TENM2: variants seen among roughly 807,000 people sequenced by gnomAD.
TENM2 encodes the protein teneurin transmembrane protein 2.
TENM2 carries 52 observed loss-of-function variants against 245.2 expected under a neutral mutation model. That is an observed-to-expected ratio of 0.21 (90% CI 0.17 to 0.27). The LOEUF is 0.27. TENM2 is among the 10% of genes least tolerant of loss of function. The probability of loss-of-function intolerance (pLI) is 1.00; values close to 1 mark genes in which losing one functional copy is unlikely to be tolerated. For missense variants in TENM2, 3,046 were observed against 3,666.8 expected, an observed-to-expected ratio of 0.83 and a Z score of 4.37; for synonymous variants, 1,363 against 1,438.9, an observed-to-expected ratio of 0.95 and a Z score of 1.19.
intron 2 of TENM2, among the ~76,000 whole-genome samples, chr5:167,466,761 T>G (rs1477900439): frequency 6.6e-6 from 1 of 152,194 alleles, no homozygotes; most frequent in Non-Finnish European, 1.5e-5. Flanking sequence ...TTCAAGTAAT[T>G]TGTATAAGTA....
Position 167,327,915 on chromosome 5 carries a change from T to C in TENM2, c.226+42852T>C, listed in dbSNP as rs182215452. The stretch of plus-strand genomic sequence containing the variant: ...GAATTGACTCTGCGGGGATAAGAGA[T>C]GATGTTTGTGATGATATTGTATGAA... On this transcript the variant is annotated intron_variant, in intron 1 of 28. Coordinates refer to ENST00000518659, the Ensembl canonical transcript of TENM2. Among the ~76,000 whole-genome samples, 34 of 152,260 alleles carry C rather than the reference T, an allele frequency of 2.2e-4. 2 individuals are homozygous for C. The highest frequency in any genetic ancestry group is 7.5e-4 in the African/African-American group (31 of 41,546).
rs190251096 is a variant in TENM2, at chr5:167,746,839, C to T, written c.503-129147C>T. Among the ~76,000 whole-genome samples, 8 of 151,850 alleles carry T rather than the reference C, an allele frequency of 5.3e-5. No individual in the cohort carries two copies. In the East Asian group the frequency reaches 1.6e-3, roughly 30 times the overall value. On this transcript the variant is annotated intron_variant, in intron 2 of 28. Coordinates refer to ENST00000518659, the Ensembl canonical transcript of TENM2. ...GTGTGTGTGCGTCTATGTGTGTGTG[C>T]GTGTGTGTGCATACACACATAAAAT...
chr5:167,354,082 CA>C (rs1759155490), intron 1 of TENM2, among the ~76,000 whole-genome samples: 2 of 152,188 alleles, frequency 1.3e-5, no homozygotes, highest in Admixed American at 1.3e-4. Flanking sequence ...ATACATTAAG[CA>C]AACTACCTGT....
intron 2 of TENM2, among the ~76,000 whole-genome samples, chr5:167,750,570 C>T (rs1010076286): frequency 6.6e-5 from 10 of 152,026 alleles, no homozygotes; most frequent in African/African-American, 1.2e-4. Flanking sequence ...TAATCAAGGA[C>T]GGCCAAGGGG....
intron 3 of TENM2, among the ~76,000 whole-genome samples, chr5:167,911,420 G>C (rs35874051): frequency 0.22 from 33,600 of 152,142 alleles, 4,177 homozygotes; most frequent in East Asian, 0.44. Context: ...CCAGCTACTC[G>C]GGAGGCTGAG....
At chr5:168,213,552 G>A (rs1420438530) in intron 20 of TENM2, among the ~76,000 whole-genome samples, 1 of 152,002 alleles carries the variant, frequency 6.6e-6, no homozygotes, top group African/African-American at 2.4e-5. Context: ...AAGGCTGGTT[G>A]CATGGTTTAT....
At chr5:168,252,955 T>TTTTG (rs375618124) in intron 27 of TENM2, among the ~76,000 whole-genome samples, 2 of 152,116 alleles carry the variant, frequency 1.3e-5, no homozygotes, top group African/African-American at 2.4e-5. Flanking sequence ...CCACAGTATT[T>TTTTG]TTTGTTTGTT....
chr5:167,516,884 T>C (rs146845133), intron 2 of TENM2, among the ~76,000 whole-genome samples: 1 of 152,324 alleles, frequency 6.6e-6, no homozygotes, highest in African/African-American at 2.4e-5. Context: ...CTCAAAACAC[T>C]GTGGTATTTA....
At chr5:167,091,072 A>G in the TENM2 span, among the ~76,000 whole-genome samples, 2 of 152,218 alleles carry the variant, frequency 1.3e-5, no homozygotes, top group African/African-American at 4.8e-5. Flanking sequence ...TAAATGGGAA[A>G]TAACAGAAGG....
intron 20 of TENM2, among the ~76,000 whole-genome samples, chr5:168,213,974 T>G (rs1244447979): frequency 6.6e-6 from 1 of 152,222 alleles, no homozygotes; most frequent in East Asian, 1.9e-4. Flanking sequence ...GAGCACCTAT[T>G]CTGGTCCCAA....
chr5:167,202,582 G>A, the TENM2 span, among the ~76,000 whole-genome samples: 1 of 152,218 alleles, frequency 6.6e-6, no homozygotes, highest in East Asian at 1.9e-4. Context: ...GTCCACAGTT[G>A]AATAGATTCT....
intron 3 of TENM2, among the ~76,000 whole-genome samples, chr5:167,904,387 C>T (rs1455438387): frequency 6.6e-6 from 1 of 152,178 alleles, no homozygotes; most frequent in Non-Finnish European, 1.5e-5. Context: ...GATAGTACAA[C>T]ACTGCTTTCC....
At chr5:167,032,319 T>A in the TENM2 span, among the ~76,000 whole-genome samples, 1 of 152,180 alleles carries the variant, frequency 6.6e-6, no homozygotes, top group Non-Finnish European at 1.5e-5. Context: ...ATGCTCTCCT[T>A]ACGATTCAGT....
intron 3 of TENM2, among the ~76,000 whole-genome samples, chr5:167,911,468 C>T (rs1472225727): frequency 6.6e-6 from 1 of 152,094 alleles, no homozygotes. Flanking sequence ...CGGAGCTTGC[C>T]GTGAGCCGAG....
intron 27 of TENM2, among the ~76,000 whole-genome samples, chr5:168,258,909 A>G (rs548454447): frequency 6.6e-6 from 1 of 152,162 alleles, no homozygotes; most frequent in African/African-American, 2.4e-5. Flanking sequence ...TAGGCCAGGC[A>G]CAGTGGCTCA....
Position 167,916,480 on chromosome 5 carries a change from A to C in TENM2, c.713-36108A>C, listed in dbSNP as rs189314925. On this transcript the variant is annotated intron_variant, in intron 3 of 28. Coordinates refer to ENST00000518659, the Ensembl canonical transcript of TENM2. The stretch of plus-strand genomic sequence containing the variant: ...TTGCCACCAGGTCAGGGAAATCATC[A>C]ATCCCGGGGAGCAACTACAAAGCTG... 5.9e-5 allele frequency among the ~76,000 whole-genome samples: 9 copies of C among 152,292 alleles called. No homozygotes were observed. In the East Asian group the frequency reaches 1.7e-3, roughly 29 times the overall value.
chr5:167,614,920 C>G (rs74990911), intron 2 of TENM2, among the ~76,000 whole-genome samples: 2,519 of 152,168 alleles, frequency 0.017, 72 homozygotes, highest in African/African-American at 0.057. Context: ...GGGTGATCTC[C>G]CCTATCTGTG....
the TENM2 span, among the ~76,000 whole-genome samples, chr5:167,062,792 G>A: frequency 1.3e-5 from 2 of 152,110 alleles, no homozygotes; most frequent in African/African-American, 4.8e-5. Flanking sequence ...AGTGACTATG[G>A]GGCTTGGGAC....
intron 2 of TENM2, among the ~76,000 whole-genome samples, chr5:167,521,694 A>C (rs1378630550): frequency 1.3e-5 from 2 of 152,108 alleles, no homozygotes; most frequent in African/African-American, 4.8e-5. Context: ...GCATTGAGAA[A>C]AATATTGCTG....
Sources: allele counts gnomAD v4.1 joint callset (sites outside exome capture counted in the v4.1 genomes callset), GRCh38; gene constraint gnomAD v4.1.1; transcripts MANE v1.5; gene names NCBI Gene and HGNC (gene_info 2026-07-23, HGNC 2026-07-21).